Variants in SLC25A21 observed in about 807,000 individuals in gnomAD.
SLC25A21 encodes solute carrier family 25 member 21.
A neutral mutation model predicts 43.8 loss-of-function variants in SLC25A21; 47 were observed. That is an observed-to-expected ratio of 1.07 (90% CI 0.85 to 1.37). SLC25A21 has a LOEUF of 1.37. Among genes scored for constraint, SLC25A21 ranks in the 40% most tolerant of loss-of-function variants. The pLI is 0.00. For synonymous variants in SLC25A21, 131 were observed against 121.3 expected, an observed-to-expected ratio of 1.08 and a Z score of -0.52; for missense variants, 352 against 350.2, an observed-to-expected ratio of 1.00 and a Z score of -0.04.
intron 3 of SLC25A21, among the ~76,000 whole-genome samples, chr14:36,737,785 A>G (rs2139234768): frequency 6.6e-6 from 1 of 152,312 alleles, no homozygotes; most frequent in Non-Finnish European, 1.5e-5. Context: ...ATTTGGAGAA[A>G]GTCAATCTGC....
chr14:36,829,896 C>T (rs935458958), intron 2 of SLC25A21, among the ~76,000 whole-genome samples: 1 of 151,988 alleles, frequency 6.6e-6, no homozygotes, highest in Non-Finnish European at 1.5e-5. Flanking sequence ...TTCACTCCTC[C>T]TCAGCTAGAT....
At chr14:36,754,526 G>A (rs1250049867) in intron 3 of SLC25A21, among the ~76,000 whole-genome samples, 1 of 152,132 alleles carries the variant, frequency 6.6e-6, no homozygotes, top group African/African-American at 2.4e-5. Flanking sequence ...TTACAGATGT[G>A]GAAACAAAGA....
chr14:36,985,118 T>C (rs1367662406), intron 1 of SLC25A21, among the ~76,000 whole-genome samples: 8 of 149,298 alleles, frequency 5.4e-5, no homozygotes, highest in African/African-American at 1.5e-4. Flanking sequence ...TAGGTGGAAA[T>C]TGAACAATGA....
intron 1 of SLC25A21, among the ~76,000 whole-genome samples, chr14:37,037,146 G>T (rs773261395): frequency 6.6e-6 from 1 of 152,132 alleles, no homozygotes; most frequent in Non-Finnish European, 1.5e-5. Context: ...GTCAGGAAGA[G>T]AAAAAACTGT....
chr14:36,846,100 T>C (rs183011178), intron 2 of SLC25A21, among the ~76,000 whole-genome samples: 1 of 152,308 alleles, frequency 6.6e-6, no homozygotes, highest in East Asian at 1.9e-4. Flanking sequence ...CTGATAGTGT[T>C]TACATTTAAA....
intron 1 of SLC25A21, among the ~76,000 whole-genome samples, chr14:36,974,045 T>G (rs2138690126): frequency 6.6e-6 from 1 of 152,298 alleles, no homozygotes; most frequent in African/African-American, 2.4e-5. Context: ...GAGCAACATT[T>G]TAATAAAAGG....
chr14:37,074,863 G>A (rs768318907), intron 1 of SLC25A21, among the ~76,000 whole-genome samples: 4 of 152,002 alleles, frequency 2.6e-5, no homozygotes, highest in Non-Finnish European at 4.4e-5. Flanking sequence ...GATTACACTC[G>A]TCACTCATTG....
At chr14:36,923,802 G>C (rs1489332948) in intron 1 of SLC25A21, among the ~76,000 whole-genome samples, 1 of 152,012 alleles carries the variant, frequency 6.6e-6, no homozygotes, top group Admixed American at 6.6e-5. Flanking sequence ...CTAATATCCA[G>C]AATCTACAAA....
At chr14:36,856,346 T>A (rs559624723) in intron 2 of SLC25A21, among the ~76,000 whole-genome samples, 1 of 152,314 alleles carries the variant, frequency 6.6e-6, no homozygotes, top group South Asian at 2.1e-4. Flanking sequence ...CCTGACCTCA[T>A]TCTTTGATTC....
intron 3 of SLC25A21, among the ~76,000 whole-genome samples, chr14:36,754,366 C>T (rs1456461127): frequency 6.6e-6 from 1 of 152,036 alleles, no homozygotes; most frequent in Non-Finnish European, 1.5e-5. Flanking sequence ...GCAAACCTAC[C>T]ACTCTTCTAC....
intron 4 of SLC25A21, among the ~76,000 whole-genome samples, chr14:36,731,103 G>A (rs1299882320): frequency 1.3e-5 from 2 of 151,870 alleles, no homozygotes; most frequent in Admixed American, 1.3e-4. Flanking sequence ...CTCCCGAGTA[G>A]CTGGGACTAC....
chr14:37,130,401 C>G (rs1296863026), intron 1 of SLC25A21, among the ~76,000 whole-genome samples: 1 of 152,160 alleles, frequency 6.6e-6, no homozygotes, highest in South Asian at 2.1e-4. Context: ...CTAGATTCCA[C>G]GACATACATC....
At chr14:36,703,327 A>G (rs924365378) in intron 7 of SLC25A21, among the ~76,000 whole-genome samples, 4 of 152,170 alleles carry the variant, frequency 2.6e-5, no homozygotes, top group Non-Finnish European at 5.9e-5. Context: ...AAACTAACAC[A>G]TTTCCACATT....
intron 1 of SLC25A21, among the ~76,000 whole-genome samples, chr14:36,987,558 T>G (rs972094929): frequency 1.3e-5 from 2 of 152,198 alleles, no homozygotes; most frequent in African/African-American, 4.8e-5. Flanking sequence ...CTGTATCATT[T>G]TTTCACATAA....
At chr14:37,029,759 T>C (rs1961168899) in intron 1 of SLC25A21, among the ~76,000 whole-genome samples, 1 of 69,014 alleles carries the variant, frequency 1.4e-5, no homozygotes, top group Admixed American at 1.3e-4. Flanking sequence ...AATAGCCGAC[T>C]TTTTTTTTTT....
chr14:37,023,538 G>A lies in SLC25A21; in HGVS notation c.71-148534C>T, dbSNP rs1209801802. ...CCTTAGCAAAAGCAAAAAAATTTAAGACCAGTGGATTCCTTTTCTCCATCT... is the reference window on the plus strand; with the variant it reads ...CCTTAGCAAAAGCAAAAAAATTTAAAACCAGTGGATTCCTTTTCTCCATCT... On this transcript the variant is annotated intron_variant, in intron 1 of 9. Transcript: ENST00000331299. Among the ~76,000 whole-genome samples, 3 of 151,876 alleles carry A rather than the reference G, an allele frequency of 2.0e-5. No homozygotes were observed. In the East Asian group the frequency reaches 5.8e-4, roughly 29 times the overall value.
chr14:37,158,531 T>C (rs1188456797), intron 1 of SLC25A21, among the ~76,000 whole-genome samples: 1 of 152,164 alleles, frequency 6.6e-6, no homozygotes, highest in Non-Finnish European at 1.5e-5. Flanking sequence ...AAATTCACCA[T>C]ACTTTCTTGA....
chr14:36,790,415 A>G (rs144919660), intron 3 of SLC25A21, among the ~76,000 whole-genome samples: 6 of 152,236 alleles, frequency 3.9e-5, no homozygotes, highest in African/African-American at 7.2e-5. Context: ...CTTGCCAGGT[A>G]AAATGCTGAA....
intron 7 of SLC25A21, among the ~76,000 whole-genome samples, chr14:36,699,356 C>G (rs559536376): frequency 6.6e-6 from 1 of 152,162 alleles, no homozygotes; most frequent in Non-Finnish European, 1.5e-5. Context: ...TATGAGGGGT[C>G]TGTGGGTCCC....
Sources: gnomAD v4.1 joint callset for allele counts (sites outside exome capture counted in the v4.1 genomes callset) on GRCh38, gnomAD v4.1.1 for gene constraint, MANE v1.5 for transcripts, NCBI Gene and HGNC (gene_info 2026-07-23, HGNC 2026-07-21) for gene names.